The following DOCK3 variants were observed in gnomAD, a reference collection of about 807,000 sequenced individuals.
DOCK3 encodes the protein dedicator of cytokinesis 3, also known as dedicator of cytokinesis protein 3.
A neutral mutation model predicts 265.6 loss-of-function variants in DOCK3; 60 were observed. That is an observed-to-expected ratio of 0.23 (90% confidence interval 0.18 to 0.28). The LOEUF is 0.28. Ranked by LOEUF, DOCK3 falls within the 10% of genes least tolerant of loss-of-function variation. The pLI is 1.00. For missense variants in DOCK3, 1,981 were observed against 2,594.3 expected, an observed-to-expected ratio of 0.76 and a Z score of 5.14; for synonymous variants, 881 against 938.0, an observed-to-expected ratio of 0.94 and a Z score of 1.11.
rs1039456983 is a variant in DOCK3 at position 50,754,528 on chromosome 3, G to C, written c.38-24147G>C. 7.3e-5 allele frequency among the ~76,000 whole-genome samples: 11 copies of C among 151,256 alleles called. No individual in the cohort carries two copies. In the East Asian group the frequency reaches 7.8e-4, roughly 11 times the overall value. On this transcript the variant is annotated intron_variant, in intron 1 of 52. Transcript: ENST00000266037. ...ACATATTTGCTGCAAATTTGAGTGA[G>C]AATGGAGATACTGCTTTTTGTTTTA...
chr3:51,309,233 A>T (rs377531759), intron 27 of DOCK3, among the ~76,000 whole-genome samples: 1 of 152,188 alleles, frequency 6.6e-6, no homozygotes, highest in East Asian at 1.9e-4. Flanking sequence ...CAAGGCAGGC[A>T]GCTGGGAGGT....
intron 12 of DOCK3, among the ~76,000 whole-genome samples, chr3:51,194,509 TC>T (rs2088150304): frequency 6.6e-6 from 1 of 152,200 alleles, no homozygotes; most frequent in Non-Finnish European, 1.5e-5. Flanking sequence ...AATGTTGAAG[TC>T]CCCAACTATT....
At chr3:50,866,142 G>C (rs528453858) in intron 3 of DOCK3, among the ~76,000 whole-genome samples, 1 of 151,906 alleles carries the variant, frequency 6.6e-6, no homozygotes, top group South Asian at 2.1e-4. Context: ...ATGTGATCCC[G>C]TTTGTCCATT....
At chr3:50,773,388 T>C (rs2041399805) in intron 1 of DOCK3, among the ~76,000 whole-genome samples, 1 of 151,966 alleles carries the variant, frequency 6.6e-6, no homozygotes. Flanking sequence ...TTAAAAAAAA[T>C]CATTTGAAAG....
intron 2 of DOCK3, among the ~76,000 whole-genome samples, chr3:50,827,206 G>A (rs189629477): frequency 7.9e-5 from 12 of 152,254 alleles, no homozygotes; most frequent in East Asian, 1.9e-4. Context: ...TCAAAATGCC[G>A]AAGGAAAATG....
intron 49 of DOCK3, among the ~76,000 whole-genome samples, chr3:51,363,049 C>T (rs1331238341): frequency 1.3e-5 from 2 of 152,132 alleles, no homozygotes; most frequent in Admixed American, 6.5e-5. Flanking sequence ...AAAAGTAAAT[C>T]GGGAGACTAA....
intron 4 of DOCK3, among the ~76,000 whole-genome samples, chr3:50,897,588 TG>T (rs1432345955): frequency 6.6e-6 from 1 of 152,238 alleles, no homozygotes; most frequent in Non-Finnish European, 1.5e-5. Flanking sequence ...TTCCAGCTTT[TG>T]CCCATTGAGT....
intron 5 of DOCK3, among the ~76,000 whole-genome samples, chr3:50,995,610 G>T (rs1397330230): frequency 1.3e-5 from 2 of 152,180 alleles, no homozygotes; most frequent in Non-Finnish European, 2.9e-5. Context: ...GGCAATAAAA[G>T]ATTCTGTCTA....
At chr3:50,980,001 G>A (rs931394400) in intron 5 of DOCK3, among the ~76,000 whole-genome samples, 1 of 152,188 alleles carries the variant, frequency 6.6e-6, no homozygotes, top group Non-Finnish European at 1.5e-5. Flanking sequence ...TGTTGAACAA[G>A]AATGTTCAAA....
chr3:50,683,402 A>G (rs528770890), intron 1 of DOCK3, among the ~76,000 whole-genome samples: 24 of 152,318 alleles, frequency 1.6e-4, no homozygotes, highest in Admixed American at 9.8e-4. Context: ...CCTGTCTTCT[A>G]TGTTTTTCCA....
At chr3:50,836,541 G>A (rs2045522985) in intron 2 of DOCK3, among the ~76,000 whole-genome samples, 1 of 152,184 alleles carries the variant, frequency 6.6e-6, no homozygotes, top group African/African-American at 2.4e-5. Flanking sequence ...AGGGCACCAA[G>A]TCCTTAGGCT....
intron 4 of DOCK3, among the ~76,000 whole-genome samples, chr3:50,919,673 C>A (rs985442739): frequency 7.9e-5 from 12 of 152,050 alleles, no homozygotes; most frequent in African/African-American, 1.2e-4. Context: ...GGTTTTCTAA[C>A]TATACAATCA....
intron 2 of DOCK3, among the ~76,000 whole-genome samples, chr3:50,781,613 ATATT>A (rs1056711098): frequency 5.9e-5 from 9 of 151,788 alleles, no homozygotes; most frequent in African/African-American, 1.2e-4. Context: ...TTAATTTGAA[ATATT>A]TATTTATTTA....
At chr3:51,087,789 T>C (rs913089200) in intron 7 of DOCK3, among the ~76,000 whole-genome samples, 1 of 152,178 alleles carries the variant, frequency 6.6e-6, no homozygotes, top group Non-Finnish European at 1.5e-5. Context: ...AGAACTCTTA[T>C]ACACTGTTGG....
intron 1 of DOCK3, among the ~76,000 whole-genome samples, chr3:50,685,010 C>A (rs1268644500): frequency 6.6e-6 from 1 of 150,472 alleles, no homozygotes; most frequent in Non-Finnish European, 1.5e-5. Flanking sequence ...AACATATTGT[C>A]ATATCTTTTT....
intron 1 of DOCK3, among the ~76,000 whole-genome samples, chr3:50,743,594 G>A (rs868177589): frequency 1.3e-5 from 2 of 151,684 alleles, no homozygotes; most frequent in African/African-American, 2.4e-5. Flanking sequence ...AAAGAGACAA[G>A]GCCATTACAT....
At chr3:50,807,843 G>A (rs143392682) in intron 2 of DOCK3, among the ~76,000 whole-genome samples, 362 of 152,194 alleles carry the variant, frequency 2.4e-3, no homozygotes, top group African/African-American at 8.3e-3. Flanking sequence ...TGGCCTTCTC[G>A]TGTTCAAGCA....
chr3:51,006,912 T>G (rs912263493), intron 5 of DOCK3, among the ~76,000 whole-genome samples: 2 of 152,212 alleles, frequency 1.3e-5, no homozygotes, highest in Admixed American at 6.5e-5. Context: ...CTGAGAATGA[T>G]GGTTTCCAGC....
intron 5 of DOCK3, among the ~76,000 whole-genome samples, chr3:50,957,736 T>G (rs1199261545): frequency 1.3e-5 from 2 of 152,212 alleles, no homozygotes; most frequent in East Asian, 3.8e-4. Flanking sequence ...TTAGACAAGT[T>G]TTTAATCCAG....
Sources: allele counts gnomAD v4.1 joint callset (sites outside exome capture counted in the v4.1 genomes callset), GRCh38; gene constraint gnomAD v4.1.1; transcripts MANE v1.5; gene names NCBI Gene and HGNC (gene_info 2026-07-23, HGNC 2026-07-21).